Variants in ROBO2 observed in about 807,000 individuals in gnomAD.
The protein encoded by ROBO2 is roundabout homolog 2.
ROBO2 carries 53 observed loss-of-function variants against 160.8 expected under a neutral mutation model. The observed-to-expected ratio is 0.33, with a 90% CI of 0.26 to 0.41. The LOEUF (loss-of-function observed/expected upper bound fraction) is 0.41, where lower values mean the gene tolerates loss of function less well. Among genes scored for constraint, ROBO2 ranks in the 10% least tolerant of loss-of-function variants. The pLI is 1.00. For missense variants in ROBO2, 1,577 were observed against 1,722.4 expected, an observed-to-expected ratio of 0.92 and a Z score of 1.49; for synonymous variants, 664 against 611.7, an observed-to-expected ratio of 1.09 and a Z score of -1.26.
chr3:76,059,421 T>C (rs1414059544), intron 2 of ROBO2, among the ~76,000 whole-genome samples: 2 of 152,258 alleles, frequency 1.3e-5, no homozygotes, highest in Non-Finnish European at 2.9e-5. Context: ...CATTTTTTCA[T>C]GTGTTTTCTG....
intron 2 of ROBO2, among the ~76,000 whole-genome samples, chr3:76,556,473 T>C (rs970236171): frequency 6.6e-6 from 1 of 152,202 alleles, no homozygotes; most frequent in African/African-American, 2.4e-5. Context: ...TGTAAGTGAT[T>C]TGGTATTCTA....
chr3:76,134,015 G>A (rs1390377361), intron 2 of ROBO2, among the ~76,000 whole-genome samples: 2 of 152,020 alleles, frequency 1.3e-5, no homozygotes, highest in Non-Finnish European at 2.9e-5. Context: ...TTATCTCACT[G>A]TCCTTTATTC....
intron 5 of ROBO2, among the ~76,000 whole-genome samples, chr3:77,521,268 G>A (rs2218647): frequency 0.043 from 6,451 of 151,182 alleles, 444 homozygotes; most frequent in African/African-American, 0.14. Context: ...TACAACTCTG[G>A]CCATTTTGCT....
chr3:76,748,770 TATC>T (rs921694341), intron 2 of ROBO2, among the ~76,000 whole-genome samples: 5 of 151,890 alleles, frequency 3.3e-5, no homozygotes, highest in Non-Finnish European at 5.9e-5. Context: ...AATTTAAAAG[TATC>T]ATAAACATGA....
chr3:76,813,515 A>G (rs1442955561), intron 2 of ROBO2, among the ~76,000 whole-genome samples: 1 of 152,170 alleles, frequency 6.6e-6, no homozygotes, highest in Non-Finnish European at 1.5e-5. Flanking sequence ...AAGAAAACTT[A>G]AAAATGATAA....
chr3:77,300,183 AT>A (rs199652959), intron 2 of ROBO2, among the ~76,000 whole-genome samples: 10,121 of 143,260 alleles, frequency 0.071, 579 homozygotes, highest in African/African-American at 0.17. Context: ...AGGGAAATGA[AT>A]TTTTTTTTTT....
At chr3:76,635,374 C>T (rs900429479) in intron 2 of ROBO2, among the ~76,000 whole-genome samples, 4 of 152,140 alleles carry the variant, frequency 2.6e-5, no homozygotes, top group East Asian at 1.9e-4. Context: ...CTAATTAGAA[C>T]GCTGACTTTT....
intron 2 of ROBO2, among the ~76,000 whole-genome samples, chr3:77,239,214 G>A (rs190576736): frequency 6.6e-6 from 1 of 152,260 alleles, no homozygotes; most frequent in East Asian, 1.9e-4. Context: ...CGTGTTCGGA[G>A]TTTCTTCCTT....
At chr3:76,151,274 A>C (rs574027854) in intron 2 of ROBO2, among the ~76,000 whole-genome samples, 5 of 151,992 alleles carry the variant, frequency 3.3e-5, no homozygotes, top group South Asian at 2.1e-4. Flanking sequence ...GGAAATCTTT[A>C]TCTCTCTCTC....
At chr3:77,214,637 T>G (rs555417033) in intron 2 of ROBO2, among the ~76,000 whole-genome samples, 7 of 152,340 alleles carry the variant, frequency 4.6e-5, no homozygotes, top group East Asian at 1.9e-4. Flanking sequence ...GTTAGCTGGT[T>G]ATTTTGCTCA....
At chr3:76,520,187 A>T (rs1417625595) in intron 2 of ROBO2, among the ~76,000 whole-genome samples, 1 of 152,138 alleles carries the variant, frequency 6.6e-6, no homozygotes, top group African/African-American at 2.4e-5. Context: ...GCAGTGGCTC[A>T]TGCCTGTAAT....
intron 2 of ROBO2, among the ~76,000 whole-genome samples, chr3:77,162,605 C>G (rs2078594455): frequency 6.6e-6 from 1 of 152,166 alleles, no homozygotes; most frequent in South Asian, 2.1e-4. Context: ...CTGTGTCACT[C>G]TCTCCCTGAT....
intron 2 of ROBO2, among the ~76,000 whole-genome samples, chr3:77,461,331 T>C (rs918399854): frequency 2.0e-5 from 3 of 152,028 alleles, no homozygotes; most frequent in African/African-American, 7.2e-5. Context: ...TTAACTAACA[T>C]TTTAATGAGC....
intron 2 of ROBO2, among the ~76,000 whole-genome samples, chr3:77,211,588 A>G (rs2084167606): frequency 6.6e-6 from 1 of 152,058 alleles, no homozygotes; most frequent in Admixed American, 6.6e-5. Context: ...ATTAGATCCC[A>G]TTTGTCAATT....
chr3:77,462,122 G>A (rs2082309100), intron 2 of ROBO2, among the ~76,000 whole-genome samples: 1 of 152,140 alleles, frequency 6.6e-6, no homozygotes, highest in Non-Finnish European at 1.5e-5. Context: ...GGTAATAATT[G>A]ATATTTTAGG....
chr3:76,104,974 G>A (rs1222880586), intron 2 of ROBO2, among the ~76,000 whole-genome samples: 2 of 152,278 alleles, frequency 1.3e-5, no homozygotes, highest in East Asian at 3.9e-4. Context: ...CTTCCAAACT[G>A]AAGGAGACAA....
intron 2 of ROBO2, among the ~76,000 whole-genome samples, chr3:76,461,244 T>C (rs1221810648): frequency 6.6e-6 from 1 of 152,040 alleles, no homozygotes; most frequent in African/African-American, 2.4e-5. Context: ...TCACATACTT[T>C]TAAACAGTCA....
At chr3:76,308,273 A>G (rs545412272) in intron 2 of ROBO2, among the ~76,000 whole-genome samples, 1 of 148,150 alleles carries the variant, frequency 6.7e-6, no homozygotes, top group Admixed American at 6.9e-5. Flanking sequence ...GCTACTCGAG[A>G]GGCTGAGGCA....
At chr3:77,031,056 G>A (rs2063289950) in intron 2 of ROBO2, among the ~76,000 whole-genome samples, 1 of 152,152 alleles carries the variant, frequency 6.6e-6, no homozygotes, top group Non-Finnish European at 1.5e-5. Flanking sequence ...AATATTTCCA[G>A]CTTTCTCCCA....
Sources: allele counts gnomAD v4.1 joint callset (sites outside exome capture counted in the v4.1 genomes callset), GRCh38; gene constraint gnomAD v4.1.1; transcripts MANE v1.5; gene names NCBI Gene and HGNC (gene_info 2026-07-23, HGNC 2026-07-21).